The following CDK14 variants were observed in gnomAD, a reference collection of about 807,000 sequenced individuals.
CDK14 encodes cyclin dependent kinase 14.
CDK14 carries 34 observed loss-of-function variants against 60.7 expected under a neutral mutation model. The ratio of observed to expected loss-of-function variants is 0.56; its 90% CI spans 0.43 to 0.75. The LOEUF is 0.75. CDK14 is among the 30% of genes least tolerant of loss of function. The pLI is 0.00. For missense variants in CDK14, 482 were observed against 564.1 expected (o/e 0.85, Z 1.47); for synonymous variants, 197 against 203.7 (o/e 0.97, Z 0.28).
At chr7:91,056,305 A>G (rs978523047) in intron 11 of CDK14, among the ~76,000 whole-genome samples, 1 of 152,184 alleles carries the variant, frequency 6.6e-6, no homozygotes, top group African/African-American at 2.4e-5. Flanking sequence ...CAAGGGTAGG[A>G]TGAAGATTTT....
At chr7:91,014,205 G>A (rs1043569191) in intron 10 of CDK14, among the ~76,000 whole-genome samples, 1 of 152,080 alleles carries the variant, frequency 6.6e-6, no homozygotes, top group African/African-American at 2.4e-5. Flanking sequence ...TGAGGAGTTG[G>A]GGGTTGGGGA....
intron 3 of CDK14, among the ~76,000 whole-genome samples, chr7:90,743,141 G>A (rs1388341053): frequency 6.6e-6 from 1 of 152,034 alleles, no homozygotes; most frequent in Non-Finnish European, 1.5e-5. Flanking sequence ...GGAACATTTT[G>A]GTTTTAAGGT....
At position 90,812,243 on chromosome 7, in the gene CDK14, T is replaced by G. The variant is rs937632402; in HGVS notation, c.544+21591T>G. Among the ~76,000 whole-genome samples the G allele has an allele frequency of 9.2e-5, 14 of 152,132 alleles. No homozygotes were observed. In the East Asian group the frequency reaches 1.3e-3, roughly 15 times the overall value. ...AAATATCCAACAATGATAAACTGGA[T>G]TAAGAAAATGTGGCACATATACACC... On this transcript the variant is annotated intron_variant, in intron 5 of 14. Transcript: ENST00000380050.
At chr7:90,601,956 A>G (rs1032457021) in intron 1 of CDK14, among the ~76,000 whole-genome samples, 2 of 150,946 alleles carry the variant, frequency 1.3e-5, no homozygotes, top group African/African-American at 2.5e-5. Context: ...GTATGTATGT[A>G]TGTATGTATG....
At chr7:90,670,474 C>T (rs1801073656) in intron 2 of CDK14, among the ~76,000 whole-genome samples, 1 of 152,174 alleles carries the variant, frequency 6.6e-6, no homozygotes, top group Non-Finnish European at 1.5e-5. Flanking sequence ...TAAAGGAATA[C>T]ATGAGACTGA....
At chr7:91,058,575 TC>T (rs1210261571) in intron 11 of CDK14, among the ~76,000 whole-genome samples, 1 of 152,236 alleles carries the variant, frequency 6.6e-6, no homozygotes, top group Admixed American at 6.5e-5. Context: ...TTGAGACACA[TC>T]CCATCAATAC....
chr7:90,664,075 A>G (rs989565437), intron 2 of CDK14, among the ~76,000 whole-genome samples: 2 of 152,332 alleles, frequency 1.3e-5, no homozygotes, highest in Non-Finnish European at 2.9e-5. Flanking sequence ...GAATCTGCAA[A>G]GAACTCAAAC....
chr7:91,089,585 A>C (rs1212756982), intron 12 of CDK14, among the ~76,000 whole-genome samples: 3 of 147,214 alleles, frequency 2.0e-5, no homozygotes, highest in African/African-American at 2.5e-5. Flanking sequence ...AAAAAAAAAA[A>C]CAGGCAACTG....
At chr7:90,686,177 ATTC>A in intron 2 of CDK14, among the ~76,000 whole-genome samples, 1 of 151,332 alleles carries the variant, frequency 6.6e-6, no homozygotes, top group African/African-American at 2.5e-5. Context: ...ACAAATATTA[ATTC>A]TTATTATGAT....
intron 4 of CDK14, among the ~76,000 whole-genome samples, chr7:90,749,589 A>G (rs1300045627): frequency 1.3e-5 from 2 of 152,178 alleles, no homozygotes; most frequent in African/African-American, 2.4e-5. Flanking sequence ...ATGGCAGCTT[A>G]AGCTGCCTCA....
At chr7:91,178,960 A>G (rs1801885523) in intron 14 of CDK14, among the ~76,000 whole-genome samples, 2 of 152,332 alleles carry the variant, frequency 1.3e-5, no homozygotes, top group Non-Finnish European at 2.9e-5. Context: ...ATTACTGGGT[A>G]TATACCAAAG....
chr7:90,615,926 G>C (rs1450380196), intron 2 of CDK14, among the ~76,000 whole-genome samples: 1 of 152,122 alleles, frequency 6.6e-6, no homozygotes, highest in African/African-American at 2.4e-5. Flanking sequence ...GTTGTTATTG[G>C]GGGTGTGTCA....
chr7:90,744,466 G>A lies in CDK14; in HGVS notation c.370-3215G>A, dbSNP rs935410421. ...TCTCAATCTTTTCCCCACTTTTCCC[G>A]CCTTTCTATTCCACAAAACCGCCAT... is the stretch of plus-strand genomic sequence containing the variant. On this transcript the variant is annotated intron_variant, in intron 3 of 14. Coordinates refer to ENST00000380050, the MANE Select transcript of CDK14 (RefSeq NM_001287135.2). 7.2e-5 allele frequency among the ~76,000 whole-genome samples: 11 copies of A among 152,138 alleles called. No homozygotes were observed. In the East Asian group the frequency reaches 9.6e-4, roughly 13 times the overall value.
chr7:91,178,611 A>T (rs1801867070), intron 14 of CDK14, among the ~76,000 whole-genome samples: 1 of 152,232 alleles, frequency 6.6e-6, no homozygotes, highest in South Asian at 2.1e-4. Flanking sequence ...AAACAAATTT[A>T]CAGGAAAAAA....
At chr7:90,623,098 C>T (rs1175855006) in intron 2 of CDK14, among the ~76,000 whole-genome samples, 1 of 150,994 alleles carries the variant, frequency 6.6e-6, no homozygotes, top group Non-Finnish European at 1.5e-5. Flanking sequence ...TTTAAAAATT[C>T]TTTTTATTTA....
chr7:90,977,567 AT>A (rs140533601), intron 9 of CDK14, among the ~76,000 whole-genome samples: 18 of 152,056 alleles, frequency 1.2e-4, no homozygotes, highest in African/African-American at 3.9e-4. Context: ...TTCTATGTTT[AT>A]TTTTTTTAAA....
At chr7:90,739,557 A>C (rs1319110996) in intron 3 of CDK14, among the ~76,000 whole-genome samples, 1 of 152,148 alleles carries the variant, frequency 6.6e-6, no homozygotes, top group Non-Finnish European at 1.5e-5. Flanking sequence ...TTAGAAAATT[A>C]TTTGTGCCTT....
chr7:91,063,680 T>C (rs978020008), intron 11 of CDK14, among the ~76,000 whole-genome samples: 3 of 152,288 alleles, frequency 2.0e-5, no homozygotes, highest in Middle Eastern at 3.4e-3. Context: ...TATCGGGAGT[T>C]AGAGGAGCAT....
At chr7:90,914,247 A>G (rs542228813) in intron 7 of CDK14, among the ~76,000 whole-genome samples, 3 of 152,190 alleles carry the variant, frequency 2.0e-5, no homozygotes, top group Non-Finnish European at 4.4e-5. Flanking sequence ...TTTCAGAGTG[A>G]CAAGTTTCTT....
Sources: allele counts gnomAD v4.1 joint callset (sites outside exome capture counted in the v4.1 genomes callset), GRCh38; gene constraint gnomAD v4.1.1; transcripts MANE v1.5; gene names NCBI Gene and HGNC (gene_info 2026-07-23, HGNC 2026-07-21).